The following PCDHA9 variants were observed in gnomAD, a reference collection of about 807,000 sequenced individuals.
The protein encoded by PCDHA9 is protocadherin alpha 9, also known as protocadherin alpha-9.
PCDHA9 carries 62 observed loss-of-function variants against 62.0 expected under a neutral mutation model. The observed-to-expected ratio is 1.00, with a 90% CI of 0.81 to 1.23. The LOEUF (loss-of-function observed/expected upper bound fraction) is 1.23. Ranked by LOEUF, PCDHA9 falls within the 50% of genes most tolerant of loss-of-function variation. The pLI, the probability that PCDHA9 is intolerant of heterozygous loss-of-function variation, is 0.00. For synonymous variants in PCDHA9, 557 were observed against 567.6 expected, an observed-to-expected ratio of 0.98 and a Z score of 0.27; for missense variants, 1,205 against 1,249.8, an observed-to-expected ratio of 0.96 and a Z score of 0.54.
chr5:140,904,613 T>C (rs1554191625), intron 1 of PCDHA9, among the ~76,000 whole-genome samples: 2 of 152,112 alleles, frequency 1.3e-5, no homozygotes, highest in African/African-American at 2.4e-5. Context: ...ATAGTAGTTT[T>C]ACTTTTAGTT....
In PCDHA9 at chr5:140,848,789, G is replaced by A; in HGVS notation, c.294G>A (p.Arg98=). ...SRIDREELCG[R]SAECSIHLEV... ...TCGACCGCGAGGAGCTGTGCGGGCG[G>A]AGCGCGGAGTGCAGCATCCACCTGG... The change falls in exon 1 of 4, where the codon CGG becomes CGA. Residue 98 remains arginine (R), a synonymous_variant. Transcript: ENST00000532602. The A allele has an allele frequency of 6.3e-7, 1 of 1,593,198 alleles. No individual in the cohort carries two copies. The highest frequency in any genetic ancestry group is 2.2e-5 in the East Asian group (1 of 44,808).
chr5:140,874,505 T>C (rs550206385), intron 1 of PCDHA9, among the ~76,000 whole-genome samples: 1 of 152,366 alleles, frequency 6.6e-6, no homozygotes, highest in African/African-American at 2.4e-5. Context: ...GTTCACATTC[T>C]CTTGACTTTA....
intron 1 of PCDHA9, chr5:140,967,061 C>T: frequency 6.2e-7 from 1 of 1,612,886 alleles, no homozygotes; most frequent in Non-Finnish European, 8.5e-7. Context: ...GAGTGGAGCG[C>T]TCTTCGTCAA....
chr5:140,874,280 C>T (rs1317233709), intron 1 of PCDHA9, among the ~76,000 whole-genome samples: 3 of 152,146 alleles, frequency 2.0e-5, no homozygotes, highest in Admixed American at 6.5e-5. Flanking sequence ...AATAGACTTA[C>T]AAAATCTATG....
intron 3 of PCDHA9, among the ~76,000 whole-genome samples, chr5:140,994,479 G>A (rs1229761223): frequency 1.3e-5 from 2 of 152,094 alleles, no homozygotes; most frequent in African/African-American, 4.8e-5. Context: ...GAGGCGGGTG[G>A]ATTGCCTGAA....
At chr5:140,955,705 T>G (rs1554222053) in intron 1 of PCDHA9, among the ~76,000 whole-genome samples, 1 of 152,232 alleles carries the variant, frequency 6.6e-6, no homozygotes, top group East Asian at 1.9e-4. Context: ...CAATGGAAGT[T>G]TAATAGGAAT....
At chr5:140,870,977 T>C in intron 1 of PCDHA9, 2 of 1,613,584 alleles carry the variant, frequency 1.2e-6, no homozygotes. Context: ...CGCGTGGGGC[T>C]GTACACGGGC....
chr5:140,878,517 G>T (rs2153361711), intron 1 of PCDHA9, among the ~76,000 whole-genome samples: 1 of 152,246 alleles, frequency 6.6e-6, no homozygotes, highest in African/African-American at 2.4e-5. Context: ...AGTACAGTTG[G>T]TAACCAACTG....
intron 1 of PCDHA9, chr5:140,882,401 G>A (rs899488409): frequency 4.0e-5 from 65 of 1,614,046 alleles, no homozygotes; most frequent in Non-Finnish European, 5.3e-5. Context: ...CGGCACCTTC[G>A]TGGGCCGCAT....
At chr5:140,856,360 C>T (rs2043951808) in intron 1 of PCDHA9, 2 of 1,598,438 alleles carry the variant, frequency 1.3e-6, no homozygotes, top group Admixed American at 1.7e-5. Context: ...GCAGCATCCA[C>T]CTGGAGGTGA....
intron 1 of PCDHA9, among the ~76,000 whole-genome samples, chr5:140,873,350 A>G (rs251374): frequency 0.7 from 106,869 of 152,104 alleles, 38,096 homozygotes; most frequent in African/African-American, 0.82. Context: ...TCCAGATGAA[A>G]TTTTTGGAAT....
chr5:140,850,186 C>T lies in PCDHA9; in HGVS notation c.1691C>T (p.Ala564Val), dbSNP rs2150472009. Residue 564 changes from alanine to valine, a missense_variant, in exon 1 of 4, where the codon GCG (alanine) becomes GTG (valine). By Grantham distance (64) the Ala-to-Val change is moderately conservative. Transcript: ENST00000532602. ...CTGGACGAGAACGACAATGCGCCGG[C>T]GCTGCTGACACCTCGGATGAGGGGC... Reference protein sequence around the residue: ...FVLDENDNAPALLTPRMRGTD... With the variant: ...FVLDENDNAPVLLTPRMRGTD... 4.4e-6 allele frequency: 7 copies of T among 1,593,614 alleles called. No homozygotes were observed. In the African/African-American group the frequency reaches 5.4e-5, roughly 12 times the overall value.
At chr5:140,997,978 C>T (rs1205743045) in intron 3 of PCDHA9, among the ~76,000 whole-genome samples, 2 of 152,182 alleles carry the variant, frequency 1.3e-5, no homozygotes, top group African/African-American at 2.4e-5. Context: ...TTGGACTGCA[C>T]TTGTTACATA....
At position 140,862,768 on chromosome 5, in the gene PCDHA9, G is replaced by C. The variant is rs1409687409; in HGVS notation, c.2394+11879G>C. The C allele has an allele frequency of 8.7e-6, 5 of 576,458 alleles. No individual in the cohort carries two copies. The African/African-American group carries it at 9.8e-5, about 11-fold the overall frequency. 35.7% of individuals were successfully genotyped at this position (576,458 alleles called of 1,614,324 possible). A position where few individuals can be genotyped will look rare whatever the true frequency, so the allele number is the denominator to read the frequency against. On this transcript the variant is annotated intron_variant, in intron 1 of 3. Transcript: ENST00000532602. ...GCACGCGGAGAGCGGCAAGAGGTAC[G>C]CGTTGCAGCCACTGGACTACGAGGA...
intron 1 of PCDHA9, chr5:140,853,147 G>C (rs1171856097): frequency 1.2e-6 from 1 of 825,412 alleles, no homozygotes; most frequent in Admixed American, 6.4e-5. Context: ...CCAAAATGCT[G>C]GGATTACAGG....
intron 1 of PCDHA9, chr5:140,869,865 T>C (rs782263076): frequency 6.2e-7 from 1 of 1,610,308 alleles, no homozygotes; most frequent in Non-Finnish European, 8.5e-7. Context: ...TTATGGAAAA[T>C]GCTGCTAAAG....
intron 1 of PCDHA9, chr5:140,857,528 G>A: frequency 6.3e-7 from 1 of 1,597,766 alleles, no homozygotes; most frequent in Non-Finnish European, 8.6e-7. Flanking sequence ...CTACTCTCTG[G>A]TGGAGCGGCG....
chr5:140,897,923 G>A (rs371929339), intron 1 of PCDHA9, among the ~76,000 whole-genome samples: 11 of 152,078 alleles, frequency 7.2e-5, no homozygotes, highest in East Asian at 5.8e-4. Flanking sequence ...TTTGATTTGC[G>A]TTTCTCTGAT....
chr5:140,917,130 C>T (rs1449410463), intron 1 of PCDHA9, among the ~76,000 whole-genome samples: 1 of 152,060 alleles, frequency 6.6e-6, no homozygotes, highest in Non-Finnish European at 1.5e-5. Flanking sequence ...AGACTCCCCA[C>T]GTTGCTCAGC....
Sources: allele counts gnomAD v4.1 joint callset (sites outside exome capture counted in the v4.1 genomes callset), GRCh38; gene constraint gnomAD v4.1.1; transcripts MANE v1.5; gene names NCBI Gene and HGNC (gene_info 2026-07-23, HGNC 2026-07-21).